The following FGD4 variants were observed in gnomAD, a reference collection of about 807,000 sequenced individuals.
FGD4 encodes FYVE, RhoGEF and PH domain-containing protein 4.
FGD4 carries 42 observed loss-of-function variants against 102.0 expected under a neutral mutation model. That is an observed-to-expected ratio of 0.41 (90% CI 0.32 to 0.53). The LOEUF (loss-of-function observed/expected upper bound fraction) is 0.53, where lower values mean the gene tolerates loss of function less well. Ranked by LOEUF, FGD4 falls within the 20% of genes least tolerant of loss-of-function variation. The pLI is 0.21. For synonymous variants in FGD4, 380 were observed against 375.7 expected (o/e 1.01, Z -0.13); for missense variants, 902 against 1,078.2 (o/e 0.84, Z 2.29).
At chr12:32,608,903 A>G (rs1043338183) in intron 8 of FGD4, among the ~76,000 whole-genome samples, 27 of 152,040 alleles carry the variant, frequency 1.8e-4, no homozygotes, top group African/African-American at 6.3e-4. Flanking sequence ...TTTTTAAATT[A>G]TTATTGTTGT....
At chr12:32,563,554 C>T (rs1370306257) in intron 1 of FGD4, among the ~76,000 whole-genome samples, 1 of 142,288 alleles carries the variant, frequency 7.0e-6, no homozygotes, top group Non-Finnish European at 1.5e-5. Context: ...ACGTCCCAGA[C>T]GATGGGCAGC....
At chr12:32,593,161 A>T (rs1268316088) in intron 4 of FGD4, among the ~76,000 whole-genome samples, 1 of 152,190 alleles carries the variant, frequency 6.6e-6, no homozygotes, top group Non-Finnish European at 1.5e-5. Context: ...TGTAAAATAG[A>T]AATAATAATG....
intron 10 of FGD4, among the ~76,000 whole-genome samples, chr12:32,611,547 G>A (rs1030594114): frequency 6.6e-6 from 1 of 152,088 alleles, no homozygotes; most frequent in Non-Finnish European, 1.5e-5. Context: ...AGCTGAGATC[G>A]TGCCACTGCA....
At chr12:32,448,130 C>T (rs767893982) in intron 1 of FGD4, among the ~76,000 whole-genome samples, 3 of 152,170 alleles carry the variant, frequency 2.0e-5, no homozygotes, top group Non-Finnish European at 4.4e-5. Context: ...CTCTTGGATG[C>T]CCTCACTTGC....
chr12:32,540,460 T>C (rs911108188), intron 1 of FGD4, among the ~76,000 whole-genome samples: 1 of 152,030 alleles, frequency 6.6e-6, no homozygotes, highest in Non-Finnish European at 1.5e-5. Context: ...TTTCCAGGAA[T>C]GGAGAAGATG....
intron 1 of FGD4, among the ~76,000 whole-genome samples, chr12:32,414,387 A>G (rs1286338639): frequency 2.0e-5 from 3 of 152,184 alleles, no homozygotes; most frequent in African/African-American, 7.2e-5. Context: ...TAATAATCAC[A>G]TCGTGGAAAA....
Position 32,640,372 on chromosome 12 carries a change from T to TGCA in FGD4, c.2551_2552insGCA (p.Ser851delinsCysThr). On this transcript the variant is annotated protein_altering_variant, in exon 17 of 17. Coordinates refer to ENST00000534526, the MANE Select transcript of FGD4 (RefSeq NM_001370298.3). ...GCCACACAGTTTCAAACTGACCCAG[T>TGCA]CTAAGTCCGTGCACAGCTTTGCTGC... 1 of 1,614,170 alleles carries TGCA rather than the reference T, an allele frequency of 6.2e-7. No individual in the cohort carries two copies. Among genetic ancestry groups the TGCA allele is most frequent in the Non-Finnish European group, 8.5e-7 (1 of 1,180,032 alleles).
At chr12:32,415,553 G>A (rs1425082691) in intron 1 of FGD4, among the ~76,000 whole-genome samples, 1 of 151,374 alleles carries the variant, frequency 6.6e-6, no homozygotes, top group Non-Finnish European at 1.5e-5. Flanking sequence ...CTCCTGAGTA[G>A]CTGGGACTAC....
chr12:32,640,513 A>T lies in FGD4; in HGVS notation c.2692A>T (p.Lys898Ter). The T allele has an allele frequency of 6.2e-7, 1 of 1,614,056 alleles. No individual in the cohort carries two copies. Among genetic ancestry groups the T allele is most frequent in the Non-Finnish European group, 8.5e-7 (1 of 1,180,032 alleles). Residue 898 changes from lysine to a stop codon, truncating the protein, a stop_gained, in exon 17 of 17, where the codon AAG (lysine) becomes TAG (stop). Coordinates refer to ENST00000534526, the MANE Select transcript of FGD4 (RefSeq NM_001370298.3). LOFTEE classifies it high-confidence loss of function. The stretch of plus-strand genomic sequence containing the variant: ...CACCTTGGATGATCATCCTGAACCT[A>T]AGAAAAAATCAGAATGCTGAACTCC... The part of the protein sequence containing the change: ...PATLDDHPEP[K>*]KKSEC
chr12:32,481,127 C>CAAAAAAAAAAA lies in FGD4; in HGVS notation c.166+81188_166+81198dup, dbSNP rs1157108520. The stretch of plus-strand genomic sequence containing the variant: ...TGGGTGACAGAGTGAGACTCCGTCT[C>CAAAAAAAAAAA]AAAAAAAAAAAAAAAAAAAAAAAAA... On this transcript the variant is annotated intron_variant, in intron 1 of 16. Coordinates refer to ENST00000534526, the MANE Select transcript of FGD4 (RefSeq NM_001370298.3). Among the ~76,000 whole-genome samples, 91 of 27,358 alleles carry CAAAAAAAAAAA rather than the reference C, an allele frequency of 3.3e-3. 29 individuals are homozygous for CAAAAAAAAAAA. The highest frequency in any genetic ancestry group is 0.013 in the East Asian group (7 of 530). The allele number at this position is 27,358 out of a possible 152,430, so 17.9% of individuals were successfully genotyped here.
At chr12:32,505,892 G>A (rs1221422638) in intron 1 of FGD4, among the ~76,000 whole-genome samples, 3 of 151,914 alleles carry the variant, frequency 2.0e-5, no homozygotes, top group Non-Finnish European at 4.4e-5. Context: ...TAGTATGTTC[G>A]CATAAGGCAA....
At chr12:32,400,180 T>A (rs1336205188) in intron 1 of FGD4, among the ~76,000 whole-genome samples, 1 of 152,248 alleles carries the variant, frequency 6.6e-6, no homozygotes, top group Non-Finnish European at 1.5e-5. Context: ...GCCGAGCTTG[T>A]CCTGGAGGTC....
intron 4 of FGD4, among the ~76,000 whole-genome samples, chr12:32,592,583 T>C (rs1052785570): frequency 2.0e-5 from 3 of 152,078 alleles, no homozygotes; most frequent in Non-Finnish European, 4.4e-5. Context: ...ATTTACCTAT[T>C]TAGCTTTCCT....
chr12:32,458,629 G>C (rs183318245), intron 1 of FGD4, among the ~76,000 whole-genome samples: 1 of 152,260 alleles, frequency 6.6e-6, no homozygotes, highest in African/African-American at 2.4e-5. Context: ...TTAATTTCAA[G>C]TGCTCCATCG....
At chr12:32,419,227 T>C (rs1356335464) in intron 1 of FGD4, among the ~76,000 whole-genome samples, 1 of 152,138 alleles carries the variant, frequency 6.6e-6, no homozygotes, top group Non-Finnish European at 1.5e-5. Context: ...ACAGAGAGTC[T>C]CCTTTATTTT....
At chr12:32,481,127 CAAAAA>C (rs1157108520) in intron 1 of FGD4, among the ~76,000 whole-genome samples, 17 of 27,360 alleles carry the variant, frequency 6.2e-4, no homozygotes, top group African/African-American at 7.3e-4. Context: ...GACTCCGTCT[CAAAAA>C]AAAAAAAAAA....
In FGD4 at chr12:32,404,504, GA is replaced by G. The variant is rs577360675; in HGVS notation, c.166+4552del. On this transcript the variant is annotated intron_variant, in intron 1 of 16. Coordinates refer to ENST00000534526, the MANE Select transcript of FGD4 (RefSeq NM_001370298.3). The stretch of plus-strand genomic sequence containing the variant: ...TGGTATTATTACAATTTTAGGGAAG[GA>G]AAAAAAGTTTCAGAAAGTCCTATTG... Among the ~76,000 whole-genome samples, 185 of 152,064 alleles carry G rather than the reference GA, an allele frequency of 1.2e-3. 2 individuals carry two copies. Among genetic ancestry groups the G allele is most frequent in the African/African-American group, 4.3e-3 (177 of 41,468 alleles).
Position 32,525,759 on chromosome 12 carries a change from C to T in FGD4, c.167-38378C>T, listed in dbSNP as rs533544509. ...GTGGGCGTGGGCTTGGTGGGCCCCG[C>T]ACTCGGAGCAGCCAGCCAGCCCTGC... On this transcript the variant is annotated intron_variant, in intron 1 of 16. Transcript: ENST00000534526. 1.2e-4 allele frequency among the ~76,000 whole-genome samples: 19 copies of T among 152,362 alleles called. 1 individual carries two copies. The South Asian group carries it at 3.9e-3, about 32-fold the overall frequency.
At chr12:32,419,783 C>G (rs574897680) in intron 1 of FGD4, among the ~76,000 whole-genome samples, 1 of 151,980 alleles carries the variant, frequency 6.6e-6, no homozygotes, top group African/African-American at 2.4e-5. Flanking sequence ...TAAGGCCAGT[C>G]CAAATGCTCC....
Sources: allele counts gnomAD v4.1 joint callset (sites outside exome capture counted in the v4.1 genomes callset), GRCh38; gene constraint gnomAD v4.1.1; transcripts MANE v1.5; gene names NCBI Gene and HGNC (gene_info 2026-07-23, HGNC 2026-07-21).